Variants in CDH23 observed in about 807,000 individuals in gnomAD.
The protein encoded by CDH23 is cadherin related 23, also known as cadherin-23.
CDH23 carries 189 observed loss-of-function variants against 317.1 expected under a neutral mutation model. That is an observed-to-expected ratio of 0.60 (90% CI 0.53 to 0.67). The LOEUF (loss-of-function observed/expected upper bound fraction) is 0.67, where lower values mean the gene tolerates loss of function less well. Among genes scored for constraint, CDH23 ranks in the 30% least tolerant of loss-of-function variants. CDH23 has a pLI of 0.00. For synonymous variants in CDH23, 1,839 were observed against 1,876.8 expected (o/e 0.98, Z 0.52); for missense variants, 4,401 against 4,592.4 (o/e 0.96, Z 1.20).
chr10:71,525,210 A>C (rs1002558488), intron 6 of CDH23, among the ~76,000 whole-genome samples: 3 of 152,160 alleles, frequency 2.0e-5, no homozygotes, highest in Non-Finnish European at 2.9e-5. Context: ...CCCGGCCGAC[A>C]CCTGGATTTT....
intron 6 of CDH23, among the ~76,000 whole-genome samples, chr10:71,530,729 A>G (rs563737052): frequency 1.3e-5 from 2 of 152,344 alleles, no homozygotes; most frequent in Non-Finnish European, 1.5e-5. Flanking sequence ...TCATCTCCCC[A>G]ACCTTCTGTC....
chr10:71,434,349 G>A (rs965045612), intron 1 of CDH23, among the ~76,000 whole-genome samples: 27 of 152,190 alleles, frequency 1.8e-4, no homozygotes, highest in African/African-American at 4.8e-4. Context: ...CCCAGGGTGC[G>A]GGCTTTACCT....
At chr10:71,629,595 C>A (rs1861908436) in intron 11 of CDH23, among the ~76,000 whole-genome samples, 1 of 152,236 alleles carries the variant, frequency 6.6e-6, no homozygotes, top group Non-Finnish European at 1.5e-5. Flanking sequence ...AGACACCCAA[C>A]TTCTGTACAT....
At chr10:71,701,039 C>T (rs1358115958) in intron 22 of CDH23, among the ~76,000 whole-genome samples, 1 of 152,186 alleles carries the variant, frequency 6.6e-6, no homozygotes, top group Non-Finnish European at 1.5e-5. Context: ...CTGTAGTCAC[C>T]TCTCTCCCCC....
intron 53 of CDH23, 29 bp downstream of exon 53, chr10:71,800,784 G>T: frequency 6.2e-7 from 1 of 1,610,354 alleles, no homozygotes; most frequent in South Asian, 1.1e-5. Context: ...GGCCAGGGAT[G>T]ACAGGGACTG....
chr10:71,800,498 C>T, intron 52 of CDH23, 138 bp from the exon 53 acceptor site: 1 of 1,077,036 alleles, frequency 9.3e-7, no homozygotes, highest in Non-Finnish European at 1.3e-6. Flanking sequence ...AGAATGGGAG[C>T]TTGCTGGGGG....
chr10:71,420,893 G>A (rs1341797534), intron 1 of CDH23, among the ~76,000 whole-genome samples: 1 of 152,082 alleles, frequency 6.6e-6, no homozygotes, highest in Non-Finnish European at 1.5e-5. Flanking sequence ...CCCGTCGCCT[G>A]GCTATAGTAA....
chr10:71,507,919 A>G (rs1853736238), intron 3 of CDH23, among the ~76,000 whole-genome samples: 2 of 152,310 alleles, frequency 1.3e-5, no homozygotes, highest in Admixed American at 6.5e-5. Flanking sequence ...GTGGCTCACC[A>G]TTGTGCTTTG....
At chr10:71,700,092 C>G (rs866576218) in intron 22 of CDH23, among the ~76,000 whole-genome samples, 2 of 152,196 alleles carry the variant, frequency 1.3e-5, no homozygotes, top group African/African-American at 4.8e-5. Flanking sequence ...GGGAGAAAAT[C>G]ATCTCTCCCC....
At chr10:71,474,177 A>G (rs561468633) in intron 3 of CDH23, among the ~76,000 whole-genome samples, 2 of 152,246 alleles carry the variant, frequency 1.3e-5, no homozygotes, top group South Asian at 4.1e-4. Flanking sequence ...CACCAGGGCC[A>G]GCTTGTTCTG....
chr10:71,701,349 T>C (rs1865576703), intron 22 of CDH23, among the ~76,000 whole-genome samples: 1 of 152,132 alleles, frequency 6.6e-6, no homozygotes, highest in Non-Finnish European at 1.5e-5. Flanking sequence ...CCCTTTGCCT[T>C]TTGTTTATGA....
Position 71,815,547 on chromosome 10 carries a change from G to A in CDH23, c.*269G>A, listed in dbSNP as rs980974935. 1.2e-4 allele frequency: 41 copies of A among 341,740 alleles called. No homozygotes were observed. Among genetic ancestry groups the A allele is most frequent in the African/African-American group, 8.2e-4 (39 of 47,756 alleles). The allele number at this position is 341,740 out of a possible 1,614,324, so 21.2% of individuals were successfully genotyped here. ...AAGCATCTAAGGACAAGGTAAGGAG[G>A]GTCACTGGGGCCCAAGAGTCTGGGG... On this transcript the variant is annotated 3_prime_UTR_variant, in exon 70 of 70. Coordinates refer to ENST00000224721, the MANE Select transcript of CDH23 (RefSeq NM_022124.6).
chr10:71,556,327 A>C (rs1326998436), intron 6 of CDH23, among the ~76,000 whole-genome samples: 1 of 152,014 alleles, frequency 6.6e-6, no homozygotes, highest in Non-Finnish European at 1.5e-5. Flanking sequence ...GCAGCTGGGC[A>C]CCATGGCTCA....
At chr10:71,633,593 G>T (rs931389937) in intron 11 of CDH23, among the ~76,000 whole-genome samples, 21 of 152,178 alleles carry the variant, frequency 1.4e-4, no homozygotes, top group Non-Finnish European at 2.5e-4. Flanking sequence ...AGACATTTGT[G>T]ATGTCTTTGT....
chr10:71,470,286 A>G (rs948487821), intron 3 of CDH23, among the ~76,000 whole-genome samples: 6 of 152,166 alleles, frequency 3.9e-5, no homozygotes, highest in African/African-American at 1.4e-4. Flanking sequence ...AAATATACAT[A>G]ATGTAAAATT....
intron 38 of CDH23, chr10:71,753,060 T>C: frequency 6.3e-7 from 1 of 1,582,976 alleles, no homozygotes; most frequent in Non-Finnish European, 8.6e-7. Context: ...CCATACAACA[T>C]CCCTGCCCCT....
At chr10:71,699,527 C>T (rs1020412186) in intron 22 of CDH23, among the ~76,000 whole-genome samples, 1 of 152,234 alleles carries the variant, frequency 6.6e-6, no homozygotes, top group Non-Finnish European at 1.5e-5. Context: ...AGGATGTCCA[C>T]CTGCACTGGT....
At chr10:71,662,626 C>G (rs1473582156) in intron 14 of CDH23, among the ~76,000 whole-genome samples, 1 of 152,186 alleles carries the variant, frequency 6.6e-6, no homozygotes, top group Non-Finnish European at 1.5e-5. Context: ...CTTAACTGAG[C>G]CTCAGACACG....
chr10:71,681,464 C>G (rs1864646850), intron 17 of CDH23, among the ~76,000 whole-genome samples: 1 of 152,214 alleles, frequency 6.6e-6, no homozygotes, highest in East Asian at 1.9e-4. Flanking sequence ...GCCTCTCAGC[C>G]TGGGTCTGCC....
Sources: gnomAD v4.1 joint callset for allele counts (sites outside exome capture counted in the v4.1 genomes callset) on GRCh38, gnomAD v4.1.1 for gene constraint, MANE v1.5 for transcripts, NCBI Gene and HGNC (gene_info 2026-07-23, HGNC 2026-07-21) for gene names.